MTERF1: variants seen among roughly 807,000 people sequenced by gnomAD.
MTERF1 encodes transcription termination factor 1, mitochondrial.
Under a neutral mutation model 31.6 loss-of-function variants are expected in MTERF1, and 29 were observed. The ratio of observed to expected loss-of-function variants is 0.92; its 90% CI spans 0.68 to 1.25. The LOEUF is 1.25. Among genes scored for constraint, MTERF1 ranks in the 50% most tolerant of loss-of-function variants. The pLI, the probability that MTERF1 is intolerant of heterozygous loss-of-function variation, is 0.00. For missense variants in MTERF1, 500 were observed against 469.1 expected, an observed-to-expected ratio of 1.07 and a Z score of -0.61; for synonymous variants, 152 against 164.1, an observed-to-expected ratio of 0.93 and a Z score of 0.57.
intron 2 of MTERF1, among the ~76,000 whole-genome samples, chr7:91,878,695 T>C (rs1350029956): frequency 2.6e-5 from 4 of 151,932 alleles, no homozygotes; most frequent in Non-Finnish European, 5.9e-5. Flanking sequence ...ATTAGCCAAC[T>C]GTAACAGCAC....
Position 91,874,666 on chromosome 7 carries a change from C to A in MTERF1, c.128G>T (p.Arg43Leu). The change falls in exon 3 of 3, where the codon CGA (arginine) becomes CTA (leucine). Residue 43 changes from arginine to leucine, a missense_variant. Physicochemically the swap from Arg to Leu is moderately radical, Grantham distance 102. Transcript: ENST00000351870. ...FLFGSRCWMT[R>L]FSAENIFKSV... ...TTTGAAGATGTTTTCTGCTGAAAAT[C>A]GAGTCATCCAACATCTTGAACCAAA... 6.2e-7 allele frequency: 1 copy of A among 1,614,038 alleles called. No homozygotes were observed. The highest frequency in any genetic ancestry group is 8.5e-7 in the Non-Finnish European group (1 of 1,179,996).
At chr7:91,879,880 G>C (rs1789459271) in intron 2 of MTERF1, among the ~76,000 whole-genome samples, 175 bp downstream of exon 2, 1 of 152,058 alleles carries the variant, frequency 6.6e-6, no homozygotes, top group African/African-American at 2.4e-5. Flanking sequence ...AAATTTCTAT[G>C]CTTGTAGTAT....
rs1789233522 is a variant in MTERF1, at chr7:91,873,429, CT to C, written c.*164del. 4.6e-6 allele frequency: 3 copies of C among 646,252 alleles called. No individual in the cohort carries two copies. The East Asian group carries it at 8.5e-5, about 18-fold the overall frequency. The allele number at this position is 646,252 out of a possible 1,614,324, so 40.0% of individuals were successfully genotyped here. On this transcript the variant is annotated 3_prime_UTR_variant, in exon 3 of 3. Coordinates refer to ENST00000351870, the MANE Select transcript of MTERF1 (RefSeq NM_006980.5). Reference sequence around the variant, plus strand: ...CCTCCTCTTTTGCCTCCCTCTTCAACTTTTAAAGATCCCTACAATTATATTA... The same window carrying C: ...CCTCCTCTTTTGCCTCCCTCTTCAACTTTAAAGATCCCTACAATTATATTA...
At chr7:91,875,904 A>G (rs1789334891) in intron 2 of MTERF1, among the ~76,000 whole-genome samples, 1 of 152,192 alleles carries the variant, frequency 6.6e-6, no homozygotes, top group Non-Finnish European at 1.5e-5. Context: ...CATCTTCAAA[A>G]TGATCTAGTT....
Position 91,874,774 on chromosome 7 carries a change from AC to A in MTERF1, c.30-11del. The A allele has an allele frequency of 6.4e-7, 1 of 1,569,826 alleles. No individual in the cohort carries two copies. Among genetic ancestry groups the A allele is most frequent in the East Asian group, 2.2e-5 (1 of 44,594 alleles). ...CAAACCTTTTGAAATGCTGTGTAAA[AC>A]AACACATAAAATATTACACAAATGC... On this transcript the variant is annotated splice_polypyrimidine_tract_variant and intron_variant, in intron 2 of 2. Coordinates refer to ENST00000351870, the MANE Select transcript of MTERF1 (RefSeq NM_006980.5).
In MTERF1 at chr7:91,874,094, C is replaced by T; in HGVS notation, c.700G>A (p.Val234Ile). The change falls in exon 3 of 3, where the codon GTC becomes ATC. Residue 234 changes from valine (V) to isoleucine (I), a missense_variant. Val to Ile is a conservative substitution (Grantham distance 29). Coordinates refer to ENST00000351870, the MANE Select transcript of MTERF1 (RefSeq NM_006980.5). Reference sequence around the variant, plus strand: ...GGGTTTTTAAAAATTATCTTTCTGACAAAATCTGCGGGATCATTGTGACCC... The same window carrying T: ...GGGTTTTTAAAAATTATCTTTCTGATAAAATCTGCGGGATCATTGTGACCC... ...SLGHNDPADFVRKIIFKNPFI... is the reference protein window; with the variant it reads ...SLGHNDPADFIRKIIFKNPFI... 1 of 1,614,090 alleles carries T rather than the reference C, an allele frequency of 6.2e-7. No individual in the cohort carries two copies. The highest frequency in any genetic ancestry group is 8.5e-7 in the Non-Finnish European group (1 of 1,180,008).
rs896041216 is a variant in MTERF1 at position 91,874,889 on chromosome 7, G to A, written c.30-125C>T. 4.3e-5 allele frequency: 27 copies of A among 625,398 alleles called. No individual in the cohort carries two copies. The South Asian group carries it at 6.3e-4, about 14-fold the overall frequency. 38.7% of individuals were successfully genotyped at this position (625,398 alleles called of 1,614,324 possible). A position where few individuals can be genotyped will look rare whatever the true frequency, so the allele number is the denominator to read the frequency against. The stretch of plus-strand genomic sequence containing the variant: ...ATATACCTTCAGCTCCAGCTCTCCA[G>A]AACTGTGTTAATAATTCAGCCACTG... On this transcript the variant is annotated intron_variant, in intron 2 of 2. Coordinates refer to ENST00000351870, the MANE Select transcript of MTERF1 (RefSeq NM_006980.5).
At position 91,871,208 on chromosome 7, in the gene MTERF1, C is replaced by T. The variant is rs1025118672; in HGVS notation, c.*2386G>A. On this transcript the variant is annotated 3_prime_UTR_variant, in exon 3 of 3. Transcript: ENST00000351870. ...TGTTTCTCCAAAGTTTTCCTTCCCC[C>T]ATCCCCTACTGCCCAATGATCAAGT... The T allele has an allele frequency of 6.6e-6, 1 of 152,476 alleles. No individual in the cohort carries two copies. The highest frequency in any genetic ancestry group is 2.4e-5 in the African/African-American group (1 of 41,448). 9.4% of individuals were successfully genotyped at this position (152,476 alleles called of 1,614,324 possible).
At position 91,874,076 on chromosome 7, in the gene MTERF1, T is replaced by C; in HGVS notation, c.718A>G (p.Lys240Glu). 6.2e-7 allele frequency: 1 copy of C among 1,614,110 alleles called. No individual in the cohort carries two copies. Among genetic ancestry groups the C allele is most frequent in the Non-Finnish European group, 8.5e-7 (1 of 1,180,024 alleles). ...CTCTGAATTAAGATAAAAGGGTTTT[T>C]AAAAATTATCTTTCTGACAAAATCT... Reference protein sequence around the residue: ...PADFVRKIIFKNPFILIQSTK... With the variant: ...PADFVRKIIFENPFILIQSTK... The change falls in exon 3 of 3, where the codon AAA becomes GAA. Residue 240 changes from lysine (K) to glutamate (E), a missense_variant. Physicochemically the swap from Lys to Glu is moderately conservative, Grantham distance 56. Coordinates refer to ENST00000351870, the MANE Select transcript of MTERF1 (RefSeq NM_006980.5).
intron 2 of MTERF1, among the ~76,000 whole-genome samples, chr7:91,875,352 G>A (rs540103814): frequency 2.4e-4 from 36 of 152,200 alleles, no homozygotes; most frequent in African/African-American, 8.7e-4. Flanking sequence ...CTGGGCTCAG[G>A]TGATGCTTCC....
chr7:91,873,562 A>G lies in MTERF1; in HGVS notation c.*32T>C, dbSNP rs1562842382. On this transcript the variant is annotated 3_prime_UTR_variant, in exon 3 of 3. Transcript: ENST00000351870. ...TTTTGCAATGTGGCATAACATATTC[A>G]CAGTTCCTGAGAATTAAAAACATTG... 6.6e-7 allele frequency: 1 copy of G among 1,525,054 alleles called. No homozygotes were observed. The highest frequency in any genetic ancestry group is 1.2e-5 in the South Asian group (1 of 80,016). The allele number at this position is 1,525,054 out of a possible 1,614,324, so 94.5% of individuals were successfully genotyped here. A position where few individuals can be genotyped will look rare whatever the true frequency, so the allele number is the denominator to read the frequency against.
Position 91,874,441 on chromosome 7 carries a change from T to C in MTERF1, c.353A>G (p.Lys118Arg). Residue 118 changes from lysine (K) to arginine (R), a missense_variant, in exon 3 of 3, where the codon AAA (lysine) becomes AGA (arginine). Lys to Arg is a conservative substitution (Grantham distance 26). Transcript: ENST00000351870. The part of the protein sequence containing the change: ...KMFLLSKGAS[K>R]EVIASIISRY... ...TGATATGATGCTAGCGATCACTTCT[T>C]TGCTAGCTCCTTTGGAAAGAAGGAA... 1 of 1,614,090 alleles carries C rather than the reference T, an allele frequency of 6.2e-7. No individual in the cohort carries two copies. The highest frequency in any genetic ancestry group is 8.5e-7 in the Non-Finnish European group (1 of 1,180,016).
chr7:91,877,897 C>G (rs1053153449), intron 2 of MTERF1, among the ~76,000 whole-genome samples: 4 of 152,206 alleles, frequency 2.6e-5, no homozygotes, highest in Non-Finnish European at 4.4e-5. Flanking sequence ...ACCTTTCTAG[C>G]TATCTCTTCT....
intron 1 of MTERF1, 112 bp from the exon 2 acceptor site, chr7:91,880,225 T>C (rs1789470932): frequency 7.5e-6 from 6 of 800,704 alleles, no homozygotes; most frequent in Admixed American, 2.7e-5. Context: ...TCTCGTGAGA[T>C]GCATTACCTC....
chr7:91,873,571 G>T lies in MTERF1; in HGVS notation c.*23C>A. 1 of 1,561,442 alleles carries T rather than the reference G, an allele frequency of 6.4e-7. No individual in the cohort carries two copies. Among genetic ancestry groups the T allele is most frequent in the South Asian group, 1.2e-5 (1 of 82,912 alleles). On this transcript the variant is annotated 3_prime_UTR_variant, in exon 3 of 3. Transcript: ENST00000351870. ...GTGGCATAACATATTCACAGTTCCT[G>T]AGAATTAAAAACATTGGCATCCTTA...
At position 91,874,289 on chromosome 7, in the gene MTERF1, G is replaced by C. The variant is rs745950270; in HGVS notation, c.505C>G (p.Arg169Gly). Residue 169 changes from arginine (R) to glycine (G), a missense_variant, in exon 3 of 3, where the codon CGG becomes GGG. By Grantham distance (125) the Arg-to-Gly change is moderately radical. Transcript: ENST00000351870. ...ILERSPESFFRSNNNLNLENN... is the reference protein window; with the variant it reads ...ILERSPESFFGSNNNLNLENN... ...TCTAAGTTTAGGTTGTTATTGGACC[G>C]AAAAAAGGATTCAGGAGAACGTTCC... 3 of 1,613,342 alleles carry C rather than the reference G, an allele frequency of 1.9e-6. No individual in the cohort carries two copies. In the African/African-American group the frequency reaches 4.0e-5, roughly 22 times the overall value.
chr7:91,879,735 A>G (rs1789453950), intron 2 of MTERF1, among the ~76,000 whole-genome samples: 1 of 152,226 alleles, frequency 6.6e-6, no homozygotes, highest in Non-Finnish European at 1.5e-5. Flanking sequence ...CAAGAAAGTT[A>G]GCAACTTTCC....
In MTERF1 at chr7:91,874,109, CATT is replaced by C. The variant is rs1562843420; in HGVS notation, c.682_684del (p.Asn228del). Reference sequence around the variant, plus strand: ...ATCTTTCTGACAAAATCTGCGGGATCATTGTGACCCAATGACAAACCGGCTGCC... The same window carrying C: ...ATCTTTCTGACAAAATCTGCGGGATCGTGACCCAATGACAAACCGGCTGCC... On this transcript the variant is annotated inframe_deletion, in exon 3 of 3. Coordinates refer to ENST00000351870, the MANE Select transcript of MTERF1 (RefSeq NM_006980.5). 2 of 1,614,114 alleles carry C rather than the reference CATT, an allele frequency of 1.2e-6. No individual in the cohort carries two copies. The highest frequency in any genetic ancestry group is 2.2e-5 in the East Asian group (1 of 44,876).
At chr7:91,877,415 T>C (rs1038340621) in intron 2 of MTERF1, among the ~76,000 whole-genome samples, 2 of 152,366 alleles carry the variant, frequency 1.3e-5, no homozygotes, top group Non-Finnish European at 2.9e-5. Context: ...TGGAAGTTTC[T>C]TCCACACAAA....
Sources: gnomAD v4.1 joint callset for allele counts (sites outside exome capture counted in the v4.1 genomes callset) on GRCh38, gnomAD v4.1.1 for gene constraint, MANE v1.5 for transcripts, NCBI Gene and HGNC (gene_info 2026-07-23, HGNC 2026-07-21) for gene names.